Variants in BIRC6 observed in about 807,000 individuals in gnomAD.
The protein encoded by BIRC6 is dual E2 ubiquitin-conjugating enzyme/E3 ubiquitin-protein ligase BIRC6.
Under a neutral mutation model 503.3 loss-of-function variants are expected in BIRC6, and 98 were observed. The ratio of observed to expected loss-of-function variants is 0.19; its 90% CI spans 0.17 to 0.23. BIRC6 has a LOEUF of 0.23. Among genes scored for constraint, BIRC6 ranks in the 10% least tolerant of loss-of-function variants. The pLI, the probability that BIRC6 is intolerant of heterozygous loss-of-function variation, is 1.00. For missense variants in BIRC6, 5,360 were observed against 5,806.0 expected, an observed-to-expected ratio of 0.92 and a Z score of 2.50; for synonymous variants, 2,240 against 2,078.7, an observed-to-expected ratio of 1.08 and a Z score of -2.11.
In BIRC6 at chr2:32,443,587, T is replaced by C. The variant is rs1266228277; in HGVS notation, c.4335T>C (p.Gly1445=). 6.3e-7 allele frequency: 1 copy of C among 1,588,272 alleles called. No individual in the cohort carries two copies. The highest frequency in any genetic ancestry group is 8.6e-7 in the Non-Finnish European group (1 of 1,163,924). ...CATTTTTACCTGCAGCAACAACTGG[T>C]GGTATGTAAAATTAATTTAATCACA... ...NMSFLPAATT[G]GSVYWYFVLL... The change falls in exon 20 of 74, where the codon GGT becomes GGC. Residue 1445 remains glycine (G), a splice_region_variant and synonymous_variant. Transcript: ENST00000421745.
chr2:32,458,624 T>C (rs1389384377), intron 23 of BIRC6, among the ~76,000 whole-genome samples: 3 of 151,610 alleles, frequency 2.0e-5, no homozygotes. Context: ...CATATATATA[T>C]ATGGGTCTGT....
At chr2:32,465,965 GTGGAAATTTGTTATTC>G in intron 26 of BIRC6, among the ~76,000 whole-genome samples, 1 of 152,282 alleles carries the variant, frequency 6.6e-6, no homozygotes, top group Admixed American at 6.5e-5. Context: ...GACATTTAGA[GTGGAAATTTGTTATTC>G]TGAAGTCTTA....
In BIRC6 at chr2:32,388,915, G is replaced by A. The variant is rs1177083040; in HGVS notation, c.811G>A (p.Gly271Arg). Reference sequence around the variant, plus strand: ...CTTACCTAGTGCACGTCCAGAACTCGGAGTGGGGCCAGGCCGTTCTGTAGA... The same window carrying A: ...CTTACCTAGTGCACGTCCAGAACTCAGAGTGGGGCCAGGCCGTTCTGTAGA... ...YLLPSARPEL[G>R]VGPGRSVDRS... The change falls in exon 4 of 74, where the codon GGA (glycine) becomes AGA (arginine). Residue 271 changes from glycine to arginine, a missense_variant. Gly to Arg is a moderately radical substitution (Grantham distance 125). Coordinates refer to ENST00000421745, the MANE Select transcript of BIRC6 (RefSeq NM_016252.4). 6.2e-6 allele frequency: 10 copies of A among 1,604,038 alleles called. No homozygotes were observed. The highest frequency in any genetic ancestry group is 6.8e-6 in the Non-Finnish European group (8 of 1,176,058).
intron 73 of BIRC6, among the ~76,000 whole-genome samples, chr2:32,613,733 T>G (rs2063046998): frequency 6.6e-6 from 1 of 152,192 alleles, no homozygotes; most frequent in South Asian, 2.1e-4. Flanking sequence ...CTCATAACAT[T>G]TGTCTAATGT....
rs376251477 is a variant in BIRC6 at position 32,467,590 on chromosome 2, A to G, written c.5422A>G (p.Thr1808Ala). ...PILLTDVLIP[T>A]CGDLASLSID... ...ATTGTTGACTGATGTATTGATTCCC[A>G]CTTGTGGAGACTTGGCCTCTTTGTC... is the stretch of plus-strand genomic sequence containing the variant. The change falls in exon 27 of 74, where the codon ACT becomes GCT. Residue 1808 changes from threonine (T) to alanine (A), a missense_variant. Around this residue, in one of 16 missense-constraint regions of BIRC6, gnomAD observed 2,299 missense variants for 2,267.2 expected, o/e 1.01. Coordinates refer to ENST00000421745, the MANE Select transcript of BIRC6 (RefSeq NM_016252.4). The G allele has an allele frequency of 2.2e-5, 35 of 1,613,698 alleles. No homozygotes were observed. Among genetic ancestry groups the G allele is most frequent in the African/African-American group, 8.0e-5 (6 of 74,864 alleles).
intron 71 of BIRC6, among the ~76,000 whole-genome samples, chr2:32,604,896 T>C (rs2062332755): frequency 2.0e-5 from 1 of 51,034 alleles, no homozygotes; most frequent in African/African-American, 8.0e-5. Context: ...TTTTCTTTTC[T>C]TTTTTTTTTT....
chr2:32,482,696 T>TCACGG, intron 39 of BIRC6, 114 bp downstream of exon 39: 3 of 1,122,336 alleles, frequency 2.7e-6, no homozygotes, highest in Non-Finnish European at 3.8e-6. Flanking sequence ...GGGTTTAGTA[T>TCACGG]CACAGCTGTG....
At chr2:32,454,528 C>T (rs1005071314) in intron 23 of BIRC6, among the ~76,000 whole-genome samples, 2 of 151,400 alleles carry the variant, frequency 1.3e-5, no homozygotes, top group South Asian at 2.1e-4. Context: ...TTTACAGTTA[C>T]TTCTATTGCA....
At chr2:32,523,544 A>G (rs1244784059) in intron 57 of BIRC6, 1 of 152,194 alleles carries the variant, frequency 6.6e-6, no homozygotes, top group Admixed American at 6.5e-5. Flanking sequence ...GTATTGTTGC[A>G]CCATGCATTT....
chr2:32,501,981 A>G, intron 47 of BIRC6, 93 bp downstream of exon 47: 2 of 1,224,870 alleles, frequency 1.6e-6, no homozygotes, highest in Non-Finnish European at 2.3e-6. Context: ...AAGTATATTT[A>G]TTATATATCG....
At chr2:32,532,978 T>C (rs888881432) in intron 61 of BIRC6, among the ~76,000 whole-genome samples, 1 of 152,010 alleles carries the variant, frequency 6.6e-6, no homozygotes, top group Non-Finnish European at 1.5e-5. Context: ...AGTAGCATGA[T>C]TTAAAAAAAA....
intron 73 of BIRC6, among the ~76,000 whole-genome samples, chr2:32,614,224 C>T (rs778718272): frequency 6.6e-6 from 1 of 152,226 alleles, no homozygotes; most frequent in Non-Finnish European, 1.5e-5. Flanking sequence ...ACTGTCCTCT[C>T]CCCAACCCAT....
At chr2:32,387,400 G>A (rs1573847888) in intron 3 of BIRC6, among the ~76,000 whole-genome samples, 1 of 149,518 alleles carries the variant, frequency 6.7e-6, no homozygotes, top group Non-Finnish European at 1.5e-5. Flanking sequence ...GCTGCCTTGA[G>A]TATACTAGAC....
At chr2:32,391,822 A>C (rs1055347098) in intron 4 of BIRC6, among the ~76,000 whole-genome samples, 1 of 152,244 alleles carries the variant, frequency 6.6e-6, no homozygotes, top group Admixed American at 6.5e-5. Flanking sequence ...TTGTTTATCA[A>C]CTGCAGCCAC....
chr2:32,507,069 A>G (rs553355185), intron 50 of BIRC6, among the ~76,000 whole-genome samples: 2 of 152,220 alleles, frequency 1.3e-5, no homozygotes, highest in East Asian at 3.9e-4. Flanking sequence ...CTGGTAGTTC[A>G]TTGGGGACTC....
At chr2:32,517,320 C>T (rs561011726) in intron 55 of BIRC6, among the ~76,000 whole-genome samples, 5 of 152,042 alleles carry the variant, frequency 3.3e-5, no homozygotes, top group African/African-American at 7.2e-5. Flanking sequence ...CCATCCTGGG[C>T]GACAGAGCGA....
intron 65 of BIRC6, among the ~76,000 whole-genome samples, chr2:32,573,939 T>A (rs969092463): frequency 6.6e-6 from 1 of 152,200 alleles, no homozygotes; most frequent in Admixed American, 6.5e-5. Context: ...ATATGTAATA[T>A]AACTAGATAT....
intron 10 of BIRC6, among the ~76,000 whole-genome samples, chr2:32,420,577 A>G (rs1314098395): frequency 6.6e-6 from 1 of 151,882 alleles, no homozygotes; most frequent in East Asian, 1.9e-4. Context: ...GCAGTGGTGC[A>G]GTTTTGGCTC....
chr2:32,479,534 C>A lies in BIRC6; in HGVS notation c.7325C>A (p.Ala2442Asp), dbSNP rs371272648. ...GTVGDDVGATAGDSDDSLQQS... is the reference protein window; with the variant it reads ...GTVGDDVGATDGDSDDSLQQS... Reference sequence around the variant, plus strand: ...GTGGGTGATGATGTAGGTGCGACAGCTGGTGACTCTGATGACTCCCTTCAA... The same window carrying A: ...GTGGGTGATGATGTAGGTGCGACAGATGGTGACTCTGATGACTCCCTTCAA... Residue 2442 changes from alanine to aspartate, a missense_variant, in exon 37 of 74, where the codon GCT (alanine) becomes GAT (aspartate). Around this residue, in one of 16 missense-constraint regions of BIRC6, gnomAD observed 2,299 missense variants for 2,267.2 expected, o/e 1.01. Coordinates refer to ENST00000421745, the MANE Select transcript of BIRC6 (RefSeq NM_016252.4). The A allele has an allele frequency of 6.2e-7, 1 of 1,606,774 alleles. No individual in the cohort carries two copies. The highest frequency in any genetic ancestry group is 1.3e-5 in the African/African-American group (1 of 74,972).
Sources: allele counts gnomAD v4.1 joint callset (sites outside exome capture counted in the v4.1 genomes callset), GRCh38; gene constraint gnomAD v4.1.1; regional missense constraint gnomAD v4.1.1; transcripts MANE v1.5; gene names NCBI Gene and HGNC (gene_info 2026-07-23, HGNC 2026-07-21).